RIC1: variants seen among roughly 807,000 people sequenced by gnomAD.
RIC1 encodes the protein RIC1 partner of RAB6A GEF complex.
In RIC1, 88 loss-of-function variants were observed where a neutral mutation model predicts 169.0. The ratio of observed to expected loss-of-function variants is 0.52; its 90% CI spans 0.44 to 0.62. The LOEUF is 0.62. RIC1 is among the 20% of genes least tolerant of loss of function. The pLI is 0.00. For synonymous variants in RIC1, 790 were observed against 601.5 expected (o/e 1.31, Z -4.59); for missense variants, 1,877 against 1,725.5 (o/e 1.09, Z -1.56).
In RIC1 at chr9:5,754,868, T is replaced by C. The variant is rs1199789806; in HGVS notation, c.1630T>C (p.Leu544=). ...GCAAAATATGATCGTGACAGGTGGCTTAGCCTGGTGGAATGATTTTATGGT... is the reference window on the plus strand; with the variant it reads ...GCAAAATATGATCGTGACAGGTGGCCTAGCCTGGTGGAATGATTTTATGGT... ...QEQNMIVTGG[L]AWWNDFMVLA... The change falls in exon 15 of 26, where the codon TTA becomes CTA. Residue 544 remains leucine (L), a synonymous_variant. Transcript: ENST00000414202. The C allele has an allele frequency of 1.2e-5, 19 of 1,574,948 alleles. No individual in the cohort carries two copies. Among genetic ancestry groups the C allele is most frequent in the Non-Finnish European group, 1.6e-5 (19 of 1,154,822 alleles).
intron 2 of RIC1, among the ~76,000 whole-genome samples, chr9:5,682,918 C>T (rs938485590): frequency 6.6e-6 from 1 of 152,144 alleles, no homozygotes. Context: ...TTCATTTCAT[C>T]TTCCATCGCT....
Position 5,673,558 on chromosome 9 carries a change from A to AT in RIC1, c.253-16401_253-16400insT, listed in dbSNP as rs397822079. On this transcript the variant is annotated intron_variant, in intron 2 of 25. Coordinates refer to ENST00000414202, the MANE Select transcript of RIC1 (RefSeq NM_020829.4). The stretch of plus-strand genomic sequence containing the variant: ...GAGATATATATATATATATATATAT[A>AT]AATAAATGTTGATTGCAGCATTGTC... Among the ~76,000 whole-genome samples the AT allele has an allele frequency of 3.3e-3, 474 of 142,080 alleles. 3 individuals are homozygous for AT. The highest frequency in any genetic ancestry group is 0.011 in the African/African-American group (402 of 36,454). The allele number at this position is 142,080 out of a possible 152,430, so 93.2% of individuals were successfully genotyped here.
At chr9:5,762,426 C>T (rs923082722) in intron 17 of RIC1, 115 bp from the exon 18 acceptor site, 1 of 1,325,656 alleles carries the variant, frequency 7.5e-7, no homozygotes, top group Admixed American at 2.0e-5. Context: ...GTACATAGTA[C>T]AACCTCAATA....
At chr9:5,694,760 A>G (rs1821789481) in intron 3 of RIC1, among the ~76,000 whole-genome samples, 1 of 150,292 alleles carries the variant, frequency 6.7e-6, no homozygotes, top group Non-Finnish European at 1.5e-5. Context: ...TCAATGTGTG[A>G]TAATATAAAC....
At chr9:5,751,597 T>G (rs1294431737) in intron 12 of RIC1, among the ~76,000 whole-genome samples, 1 of 149,446 alleles carries the variant, frequency 6.7e-6, no homozygotes, top group African/African-American at 2.6e-5. Flanking sequence ...TCAGGCAATC[T>G]GCCTGCCTCA....
At chr9:5,667,864 C>T (rs547144732) in intron 2 of RIC1, among the ~76,000 whole-genome samples, 6 of 152,140 alleles carry the variant, frequency 3.9e-5, no homozygotes, top group African/African-American at 1.4e-4. Flanking sequence ...TTACCCAGCT[C>T]CAAAGTTGCT....
At chr9:5,653,912 G>A (rs1473711505) in intron 1 of RIC1, among the ~76,000 whole-genome samples, 1 of 152,020 alleles carries the variant, frequency 6.6e-6, no homozygotes, top group African/African-American at 2.4e-5. Flanking sequence ...CATTTATTTA[G>A]CTCTTCTTTG....
At chr9:5,681,761 T>A (rs1403721445) in intron 2 of RIC1, among the ~76,000 whole-genome samples, 1 of 152,178 alleles carries the variant, frequency 6.6e-6, no homozygotes, top group Non-Finnish European at 1.5e-5. Flanking sequence ...TCTCCCATTA[T>A]TATTGTGTGG....
At chr9:5,715,095 G>C (rs1343636506) in intron 4 of RIC1, among the ~76,000 whole-genome samples, 3 of 152,096 alleles carry the variant, frequency 2.0e-5, no homozygotes, top group African/African-American at 4.8e-5. Context: ...ATTATTATTT[G>C]CTTAAATGTA....
At chr9:5,736,230 A>G (rs1196493577) in intron 7 of RIC1, among the ~76,000 whole-genome samples, 3 of 152,210 alleles carry the variant, frequency 2.0e-5, no homozygotes, top group African/African-American at 4.8e-5. Context: ...TCTCAGCAAG[A>G]GTTGATCTAT....
intron 2 of RIC1, among the ~76,000 whole-genome samples, chr9:5,678,448 G>C (rs938708904): frequency 2.6e-4 from 39 of 151,878 alleles, no homozygotes; most frequent in African/African-American, 9.4e-4. Flanking sequence ...GGTTGAACTA[G>C]TTTACAGTCC....
intron 7 of RIC1, among the ~76,000 whole-genome samples, chr9:5,733,323 G>T (rs565358743): frequency 1.3e-5 from 2 of 150,752 alleles, no homozygotes; most frequent in South Asian, 4.2e-4. Flanking sequence ...GAGTGCAGTG[G>T]AGCGATCTCA....
In RIC1 at chr9:5,775,372, A is replaced by T. The variant is rs1254907295; in HGVS notation, c.*1126A>T. 6.6e-6 allele frequency: 1 copy of T among 152,188 alleles called. No homozygotes were observed. Among genetic ancestry groups the T allele is most frequent in the African/African-American group, 2.4e-5 (1 of 41,442 alleles). The allele number at this position is 152,188 out of a possible 1,614,324, so 9.4% of individuals were successfully genotyped here. A position where few individuals can be genotyped will look rare whatever the true frequency, so the allele number is the denominator to read the frequency against. On this transcript the variant is annotated 3_prime_UTR_variant, in exon 26 of 26. Transcript: ENST00000414202. Reference sequence around the variant, plus strand: ...AAATTTGTTTTCATACATTATGAAAACAACTGCATACTCCTTAATTGCTTT... The same window carrying T: ...AAATTTGTTTTCATACATTATGAAATCAACTGCATACTCCTTAATTGCTTT...
chr9:5,738,246 C>T (rs1326725081), intron 7 of RIC1, among the ~76,000 whole-genome samples: 1 of 151,954 alleles, frequency 6.6e-6, no homozygotes, highest in Non-Finnish European at 1.5e-5. Context: ...AAACATTAGA[C>T]AATAATTTCT....
In RIC1 at chr9:5,753,507, G is replaced by A. The variant is rs1366144055; in HGVS notation, c.1492-29G>A. The A allele has an allele frequency of 1.1e-5, 15 of 1,402,894 alleles. 1 individual carries two copies. The South Asian group carries it at 1.4e-4, about 13-fold the overall frequency. The allele number at this position is 1,402,894 out of a possible 1,614,324, so 86.9% of individuals were successfully genotyped here. On this transcript the variant is annotated intron_variant, in intron 13 of 25. Transcript: ENST00000414202. ...CTAATAAAGTATATAGGTTTGCAAG[G>A]AAAAGTTCTTATTTTTTTTTTTAAA...
intron 2 of RIC1, among the ~76,000 whole-genome samples, chr9:5,666,490 T>A (rs1819772407): frequency 6.6e-6 from 1 of 152,234 alleles, no homozygotes; most frequent in Non-Finnish European, 1.5e-5. Context: ...GCTTTCAGTC[T>A]GTCACCATTG....
chr9:5,721,437 A>AGCACACACGCGCGT (rs1251961837), intron 6 of RIC1, among the ~76,000 whole-genome samples: 1 of 152,198 alleles, frequency 6.6e-6, no homozygotes, highest in Non-Finnish European at 1.5e-5. Flanking sequence ...ACCAAACCCC[A>AGCACACACGCGCGT]GCACACACGC....
chr9:5,765,357 C>G, intron 19 of RIC1, 57 bp from the exon 20 acceptor site: 1 of 1,542,930 alleles, frequency 6.5e-7, no homozygotes, highest in Non-Finnish European at 8.8e-7. Context: ...AAGAATTGCT[C>G]ATATCTTCCC....
intron 2 of RIC1, among the ~76,000 whole-genome samples, chr9:5,659,389 C>G (rs1249698728): frequency 6.6e-6 from 1 of 152,100 alleles, no homozygotes; most frequent in Non-Finnish European, 1.5e-5. Flanking sequence ...CCATTGTCAA[C>G]CCATTGTAAG....
Sources: gnomAD v4.1 joint callset for allele counts (sites outside exome capture counted in the v4.1 genomes callset) on GRCh38, gnomAD v4.1.1 for gene constraint, MANE v1.5 for transcripts, NCBI Gene and HGNC (gene_info 2026-07-23, HGNC 2026-07-21) for gene names.